USP25: variants seen among roughly 807,000 people sequenced by gnomAD.
USP25 encodes the protein ubiquitin specific peptidase 25.
USP25 carries 85 observed loss-of-function variants against 158.5 expected under a neutral mutation model. That is an observed-to-expected ratio of 0.54 (90% confidence interval 0.45 to 0.64). The LOEUF is 0.64. Ranked by LOEUF, USP25 falls within the 30% of genes least tolerant of loss-of-function variation. The probability of loss-of-function intolerance (pLI) is 0.00; values close to 1 mark genes in which losing one functional copy is unlikely to be tolerated. For missense variants in USP25, 1,242 were observed against 1,327.3 expected, an observed-to-expected ratio of 0.94 and a Z score of 1.00; for synonymous variants, 464 against 460.4, an observed-to-expected ratio of 1.01 and a Z score of -0.10.
At chr21:15,831,692 G>T in intron 16 of USP25, 63 bp downstream of exon 16, 2 of 1,344,218 alleles carry the variant, frequency 1.5e-6, no homozygotes, top group Non-Finnish European at 1.1e-6. Flanking sequence ...GGTATGTGGT[G>T]TGATTAGTTA....
chr21:15,805,510 A>T (rs1470634237), intron 7 of USP25: 1 of 277,018 alleles, frequency 3.6e-6, no homozygotes, highest in Non-Finnish European at 6.6e-6. Context: ...ACAAATACAT[A>T]ATTAAACATG....
intron 23 of USP25, among the ~76,000 whole-genome samples, chr21:15,870,363 A>G (rs891478249): frequency 6.6e-6 from 1 of 152,174 alleles, no homozygotes; most frequent in African/African-American, 2.4e-5. Flanking sequence ...AAAACTCCGT[A>G]AGGTTGGCAT....
intron 1 of USP25, among the ~76,000 whole-genome samples, chr21:15,736,248 C>T (rs1012058409): frequency 2.4e-4 from 36 of 152,160 alleles, no homozygotes; most frequent in Admixed American, 1.0e-3. Flanking sequence ...CAGGTGTACA[C>T]CACCACGCCC....
At chr21:15,799,539 C>A (rs76917657) in intron 5 of USP25, 29,202 of 350,444 alleles carry the variant, frequency 0.083, 1,367 homozygotes, top group East Asian at 0.097. Context: ...AAAAAGTTGT[C>A]CAAATATAAT....
chr21:15,741,985 CA>C (rs2032100193), intron 1 of USP25, among the ~76,000 whole-genome samples: 1 of 151,678 alleles, frequency 6.6e-6, no homozygotes, highest in South Asian at 2.1e-4. Context: ...ACACCGTGTA[CA>C]AAAATAATTT....
At chr21:15,772,178 T>G (rs925026189) in intron 3 of USP25, among the ~76,000 whole-genome samples, 3 of 152,198 alleles carry the variant, frequency 2.0e-5, no homozygotes, top group African/African-American at 7.2e-5. Context: ...GTCTAGTTCA[T>G]TGATAAGTTG....
At chr21:15,830,221 G>A (rs1475629475) in intron 14 of USP25, among the ~76,000 whole-genome samples, 5 of 152,024 alleles carry the variant, frequency 3.3e-5, no homozygotes, top group African/African-American at 9.7e-5. Context: ...CAATATGTAA[G>A]GAAGCTTAGC....
intron 4 of USP25, among the ~76,000 whole-genome samples, chr21:15,791,069 A>G (rs1390109400): frequency 6.6e-6 from 1 of 151,872 alleles, no homozygotes; most frequent in Non-Finnish European, 1.5e-5. Context: ...AGAAGAACTA[A>G]GTGGTCGGTG....
intron 2 of USP25, among the ~76,000 whole-genome samples, chr21:15,763,392 C>G (rs770652170): frequency 6.6e-6 from 1 of 152,090 alleles, no homozygotes; most frequent in Non-Finnish European, 1.5e-5. Flanking sequence ...TCCTGAGAAG[C>G]AGAGATATAA....
At chr21:15,786,392 T>G (rs995371824) in intron 4 of USP25, among the ~76,000 whole-genome samples, 1 of 152,140 alleles carries the variant, frequency 6.6e-6, no homozygotes, top group Admixed American at 6.5e-5. Flanking sequence ...AACAAGATTC[T>G]AGCACGTCCG....
intron 1 of USP25, among the ~76,000 whole-genome samples, chr21:15,743,292 G>C (rs1361517690): frequency 6.6e-6 from 1 of 152,180 alleles, no homozygotes; most frequent in Non-Finnish European, 1.5e-5. Flanking sequence ...AGCCAGCCAG[G>C]TGCGTGTTAC....
chr21:15,878,559 T>C lies in USP25; in HGVS notation c.*84T>C. The C allele has an allele frequency of 3.5e-6, 5 of 1,426,626 alleles. No homozygotes were observed. 88.4% of individuals were successfully genotyped at this position (1,426,626 alleles called of 1,614,324 possible). The stretch of plus-strand genomic sequence containing the variant: ...TCCTGTCACAGGGTTTGCTTGTTGC[T>C]GCTATAGTTTTTAACTTTTTTTTAT... On this transcript the variant is annotated 3_prime_UTR_variant, in exon 26 of 26. Coordinates refer to ENST00000400183, the MANE Select transcript of USP25 (RefSeq NM_001283041.3).
rs541596891 is a variant in USP25, at chr21:15,864,787, A to G, written c.2726+341A>G. On this transcript the variant is annotated intron_variant, in intron 21 of 25. Transcript: ENST00000400183. ...AAATCTTTGTTGTTGGGGCTGTCCT[A>G]TGATTGTAGGATATTTAATAATATC... is the stretch of plus-strand genomic sequence containing the variant. 1.1e-4 allele frequency among the ~76,000 whole-genome samples: 17 copies of G among 152,274 alleles called. No homozygotes were observed. The East Asian group carries it at 2.5e-3, about 23-fold the overall frequency.
chr21:15,777,121 C>T (rs542333870), intron 3 of USP25, among the ~76,000 whole-genome samples: 5 of 152,012 alleles, frequency 3.3e-5, no homozygotes, highest in Admixed American at 6.6e-5. Flanking sequence ...TTATTGAAGG[C>T]GGTATTAGTT....
chr21:15,744,926 A>G (rs1480587737), intron 1 of USP25: 5 of 152,148 alleles, frequency 3.3e-5, no homozygotes, highest in Admixed American at 1.3e-4. Flanking sequence ...TGCTCTTCCA[A>G]GCATTTCTTG....
chr21:15,841,140 A>T (rs1455314399), intron 17 of USP25, among the ~76,000 whole-genome samples: 1 of 152,174 alleles, frequency 6.6e-6, no homozygotes, highest in Non-Finnish European at 1.5e-5. Context: ...GGTTTTCCTT[A>T]TCACATAGTT....
intron 4 of USP25, among the ~76,000 whole-genome samples, 180 bp downstream of exon 4, chr21:15,778,207 G>C (rs1301568791): frequency 6.6e-6 from 1 of 151,916 alleles, no homozygotes; most frequent in Admixed American, 6.6e-5. Context: ...GATTGCAATT[G>C]GGTTTAGATT....
intron 1 of USP25, among the ~76,000 whole-genome samples, chr21:15,734,519 G>A (rs1206539631): frequency 6.6e-6 from 1 of 151,868 alleles, no homozygotes; most frequent in Non-Finnish European, 1.5e-5. Context: ...CTTTTGACTT[G>A]TAGACTCACA....
At chr21:15,823,068 T>G (rs1376375839) in intron 10 of USP25, among the ~76,000 whole-genome samples, 3 of 152,062 alleles carry the variant, frequency 2.0e-5, no homozygotes, top group Non-Finnish European at 4.4e-5. Context: ...TGTTCAAATT[T>G]AAATTTGGTA....
Sources: allele counts gnomAD v4.1 joint callset (sites outside exome capture counted in the v4.1 genomes callset), GRCh38; gene constraint gnomAD v4.1.1; transcripts MANE v1.5; gene names NCBI Gene and HGNC (gene_info 2026-07-23, HGNC 2026-07-21).